The following LRRC37A2 variants were observed in gnomAD, a reference collection of about 807,000 sequenced individuals.
LRRC37A2 encodes the protein leucine-rich repeat-containing protein 37A2.
Under a neutral mutation model 68.8 loss-of-function variants are expected in LRRC37A2, and 9 were observed. The observed-to-expected ratio is 0.13, with a 90% confidence interval of 0.08 to 0.23. LRRC37A2 has a LOEUF of 0.23. Among genes scored for constraint, LRRC37A2 ranks in the 10% least tolerant of loss-of-function variants. The pLI is 1.00. For synonymous variants in LRRC37A2, 63 were observed against 367.6 expected (o/e 0.17, Z 9.48); for missense variants, 168 against 950.4 (o/e 0.18, Z 10.82).
At chr17:46,737,232 A>G in the LRRC37A2 span, among the ~76,000 whole-genome samples, 2,814 of 152,282 alleles carry the variant, frequency 0.018, 30 homozygotes, top group Middle Eastern at 0.041. Context: ...TAGCAAATGA[A>G]GGTTAACATC....
At chr17:47,000,081 TAAAA>T in the LRRC37A2 span, among the ~76,000 whole-genome samples, 1 of 15,320 alleles carries the variant, frequency 6.5e-5, no homozygotes, top group African/African-American at 1.8e-4. Context: ...AAATAAAAAA[TAAAA>T]TAAAATAAAA....
chr17:46,768,806 G>C, the LRRC37A2 span: 3 of 1,611,966 alleles, frequency 1.9e-6, no homozygotes, highest in Non-Finnish European at 2.5e-6. The surrounding 1 kb of genome is among the most constrained non-coding windows in gnomAD (Gnocchi z 5.0). Flanking sequence ...TAGTCTGGGG[G>C]AGAGAAGTGG....
the LRRC37A2 span, among the ~76,000 whole-genome samples, chr17:46,439,157 GTCCTC>G: frequency 3.1e-5 from 2 of 65,154 alleles, no homozygotes; most frequent in Non-Finnish European, 6.3e-5. Flanking sequence ...TTTTCACCTA[GTCCTC>G]TCCTCAGCTT....
At chr17:46,975,533 A>T in the LRRC37A2 span, 3 of 152,108 alleles carry the variant, frequency 2.0e-5, no homozygotes, top group African/African-American at 7.3e-5. Context: ...CCCAGTAAAC[A>T]CCCTGCAGGC....
chr17:46,872,573 C>T, the LRRC37A2 span: 22 of 1,599,456 alleles, frequency 1.4e-5, no homozygotes, highest in Middle Eastern at 1.7e-4. Context: ...GCGGCAGCCC[C>T]GGCACAGGGC....
At chr17:46,671,825 A>G in the LRRC37A2 span, among the ~76,000 whole-genome samples, 1 of 139,664 alleles carries the variant, frequency 7.2e-6, no homozygotes, top group South Asian at 2.2e-4. Context: ...GCATAGTTGC[A>G]AAGTTAAGAT....
the LRRC37A2 span, among the ~76,000 whole-genome samples, chr17:46,894,388 C>T: frequency 1.3e-5 from 2 of 152,320 alleles, no homozygotes; most frequent in South Asian, 2.1e-4. Context: ...TTTTGCCAGG[C>T]CTCATAAGAT....
Position 46,545,509 on chromosome 17 carries a change from G to A in LRRC37A2, c.3054-746G>A, listed in dbSNP as rs1331078028. Among the ~76,000 whole-genome samples, 63 of 122,204 alleles carry A rather than the reference G, an allele frequency of 5.2e-4. 3 individuals carry two copies. Among genetic ancestry groups the A allele is most frequent in the African/African-American group, 2.1e-3 (52 of 24,844 alleles). 80.2% of individuals were successfully genotyped at this position (122,204 alleles called of 152,430 possible). On this transcript the variant is annotated intron_variant, in intron 8 of 14. Coordinates refer to ENST00000576629, the Ensembl canonical transcript of LRRC37A2. ...AATAATCTGTGGGTTGTTACTTTGA[G>A]TTCAGTGAAGATCCTGTTCTCAAAT...
the LRRC37A2 span, chr17:46,487,091 A>G: frequency 2.6e-6 from 2 of 773,270 alleles, 1 homozygote; most frequent in Admixed American, 5.8e-5. Flanking sequence ...GAAAGCCTGC[A>G]AGTGATGAGA....
chr17:46,875,874 G>A, the LRRC37A2 span, among the ~76,000 whole-genome samples: 1 of 152,214 alleles, frequency 6.6e-6, no homozygotes, highest in South Asian at 2.1e-4. Context: ...GGAGGAGGCT[G>A]GGAGACACCA....
chr17:47,017,188 C>G, the LRRC37A2 span: 1 of 1,611,396 alleles, frequency 6.2e-7, no homozygotes, highest in Non-Finnish European at 8.5e-7. Flanking sequence ...CTCGGAGCTG[C>G]CAGAATGACT....
chr17:46,943,525 C>T, the LRRC37A2 span, among the ~76,000 whole-genome samples: 1 of 152,370 alleles, frequency 6.6e-6, no homozygotes, highest in East Asian at 1.9e-4. Flanking sequence ...AAGCCTGCCC[C>T]TCCCCTCCAA....
chr17:46,934,198 CT>C, the LRRC37A2 span, among the ~76,000 whole-genome samples: 2 of 141,420 alleles, frequency 1.4e-5, no homozygotes, highest in South Asian at 4.2e-4. Flanking sequence ...ACTGGACACA[CT>C]TCCAGCTGTG....
chr17:46,913,870 C>T, the LRRC37A2 span, among the ~76,000 whole-genome samples: 1 of 152,184 alleles, frequency 6.6e-6, no homozygotes, highest in Admixed American at 6.5e-5. Context: ...AGTGATTCTC[C>T]TGCCTCAGCC....
chr17:46,838,077 T>C, the LRRC37A2 span, among the ~76,000 whole-genome samples: 1 of 152,074 alleles, frequency 6.6e-6, no homozygotes, highest in Non-Finnish European at 1.5e-5. Context: ...AGGAACCTTT[T>C]GCATTTTCTG....
chr17:46,932,594 C>T, the LRRC37A2 span: 5 of 428,054 alleles, frequency 1.2e-5, no homozygotes, highest in Admixed American at 1.2e-4. Flanking sequence ...GCCATTGTGC[C>T]GAGTATGTGT....
chr17:46,868,786 C>T, the LRRC37A2 span, among the ~76,000 whole-genome samples: 1 of 152,266 alleles, frequency 6.6e-6, no homozygotes, highest in East Asian at 1.9e-4. Context: ...GGATGCCAAA[C>T]AGTATGACTT....
the LRRC37A2 span, among the ~76,000 whole-genome samples, chr17:46,850,862 C>T: frequency 4.6e-5 from 7 of 152,092 alleles, no homozygotes; most frequent in Non-Finnish European, 1.0e-4. Flanking sequence ...TCTGTCTGCC[C>T]CACTGTCCAC....
At chr17:46,979,094 C>T in the LRRC37A2 span, 1 of 1,244,388 alleles carries the variant, frequency 8.0e-7, no homozygotes, top group East Asian at 3.3e-5. Flanking sequence ...ACGCTCCGGA[C>T]CCCTCGGACC....
Sources: allele counts gnomAD v4.1 joint callset (sites outside exome capture counted in the v4.1 genomes callset), GRCh38; gene constraint gnomAD v4.1.1; non-coding constraint Gnocchi (gnomAD v3.1); transcripts MANE v1.5; gene names NCBI Gene and HGNC (gene_info 2026-07-23, HGNC 2026-07-21).